Variants in ADAMTS10 observed in about 807,000 individuals in gnomAD.
ADAMTS10 encodes A disintegrin and metalloproteinase with thrombospondin motifs 10.
Under a neutral mutation model 135.9 loss-of-function variants are expected in ADAMTS10, and 48 were observed. That is an observed-to-expected ratio of 0.35 (90% CI 0.28 to 0.45). The LOEUF (loss-of-function observed/expected upper bound fraction) is 0.45. ADAMTS10 is among the 20% of genes least tolerant of loss of function. The pLI, the probability that ADAMTS10 is intolerant of heterozygous loss-of-function variation, is 1.00. For synonymous variants in ADAMTS10, 621 were observed against 647.5 expected, an observed-to-expected ratio of 0.96 and a Z score of 0.62; for missense variants, 1,131 against 1,565.2, an observed-to-expected ratio of 0.72 and a Z score of 4.68.
rs1377671403 is a variant in ADAMTS10, at chr19:8,591,441, TG to T, written c.1797+358del. Among the ~76,000 whole-genome samples the T allele has an allele frequency of 4.0e-4, 54 of 136,520 alleles. 2 individuals are homozygous for T. Among genetic ancestry groups the T allele is most frequent in the African/African-American group, 1.2e-3 (43 of 36,222 alleles). The allele number at this position is 136,520 out of a possible 152,430, so 89.6% of individuals were successfully genotyped here. A position where few individuals can be genotyped will look rare whatever the true frequency, so the allele number is the denominator to read the frequency against. ...GGATGAAGCACTCTGATAGCGTTTTTGTTTTTTTTTTTTTTTTTGAGATGGA... is the reference window on the plus strand; with the variant it reads ...GGATGAAGCACTCTGATAGCGTTTTTTTTTTTTTTTTTTTTTTGAGATGGA... On this transcript the variant is annotated intron_variant, in intron 15 of 25. Transcript: ENST00000597188.
In ADAMTS10 at chr19:8,586,698, G is replaced by C. The variant is rs2042436905; in HGVS notation, c.2263C>G (p.Leu755Val). Reference protein sequence around the residue: ...HLALKGDQESLLLEGLPGTPQ... With the variant: ...HLALKGDQESVLLEGLPGTPQ... Reference sequence around the variant, plus strand: ...GTCCCAGGCAGCCCCTCCAGCAGCAGGGACTCCTGGTCTCCCTTCAGGGCT... The same window carrying C: ...GTCCCAGGCAGCCCCTCCAGCAGCACGGACTCCTGGTCTCCCTTCAGGGCT... The change falls in exon 20 of 26, where the codon CTG (leucine) becomes GTG (valine). Residue 755 changes from leucine to valine, a missense_variant. Coordinates refer to ENST00000597188, the MANE Select transcript of ADAMTS10 (RefSeq NM_030957.4). 6.2e-7 allele frequency: 1 copy of C among 1,613,272 alleles called. No homozygotes were observed. Among genetic ancestry groups the C allele is most frequent in the Non-Finnish European group, 8.5e-7 (1 of 1,179,350 alleles).
chr19:8,591,697 C>T (rs949389687), intron 15 of ADAMTS10, 103 bp downstream of exon 15: 46 of 1,419,248 alleles, frequency 3.2e-5, no homozygotes, highest in Non-Finnish European at 5.9e-6. Flanking sequence ...GCCTTGGCCT[C>T]CCAAAGTGTT....
intron 25 of ADAMTS10, among the ~76,000 whole-genome samples, chr19:8,584,265 G>C (rs1467048480): frequency 6.6e-6 from 1 of 151,010 alleles, no homozygotes; most frequent in Non-Finnish European, 1.5e-5. Flanking sequence ...GATCGATTTT[G>C]ACCCCCAGGG....
chr19:8,604,974 T>G, intron 4 of ADAMTS10, 38 bp downstream of exon 4: 1 of 1,550,630 alleles, frequency 6.4e-7, no homozygotes, highest in Non-Finnish European at 8.7e-7. Flanking sequence ...TCCAAACTTA[T>G]GGGCATTTCC....
chr19:8,592,717 T>C (rs375706509), intron 13 of ADAMTS10, 46 bp downstream of exon 13: 12 of 1,546,514 alleles, frequency 7.8e-6, no homozygotes, highest in African/African-American at 1.4e-5. Context: ...ACGCGGGAGG[T>C]GGCTCAGGGG....
rs1307144397 is a variant in ADAMTS10 at position 8,580,775 on chromosome 19, C to T, written c.*118G>A. On this transcript the variant is annotated 3_prime_UTR_variant, in exon 26 of 26. Coordinates refer to ENST00000597188, the MANE Select transcript of ADAMTS10 (RefSeq NM_030957.4). ...GCAGGGGTTCCCAATAAATAACTTC[C>T]GGCTCCGTCTCACCCTTCCCTCCCA... The T allele has an allele frequency of 5.1e-6, 4 of 781,128 alleles. No individual in the cohort carries two copies. The highest frequency in any genetic ancestry group is 5.4e-5 in the East Asian group (2 of 37,074). 48.4% of individuals were successfully genotyped at this position (781,128 alleles called of 1,614,324 possible).
chr19:8,581,129 A>AATT, intron 25 of ADAMTS10, 127 bp from the exon 26 acceptor site: 7 of 126,888 alleles, frequency 5.5e-5, no homozygotes, highest in East Asian at 1.2e-4. Flanking sequence ...TTTTAAATTT[A>AATT]CTTTTTTTTT....
intron 20 of ADAMTS10, 23 bp downstream of exon 20, chr19:8,586,535 C>T (rs782778271): frequency 2.2e-5 from 35 of 1,613,114 alleles, no homozygotes; most frequent in Middle Eastern, 1.6e-4. Context: ...AAGGCTGCAC[C>T]TTGCCCCCAG....
At position 8,586,836 on chromosome 19, in the gene ADAMTS10, T is replaced by A; in HGVS notation, c.2219A>T (p.Asn740Ile). Residue 740 changes from asparagine (N) to isoleucine (I), a missense_variant, in exon 19 of 26, where the codon AAC becomes ATC. Transcript: ENST00000597188. Reference protein sequence around the residue: ...GSVHIFIQDLNLSLSHLALKG... With the variant: ...GSVHIFIQDLILSLSHLALKG... ...CTCACCCAAGTGACTGAGAGAGAGG[T>A]TCAGATCCTGGATGAAGATGTGGAC... The A allele has an allele frequency of 6.2e-7, 1 of 1,613,858 alleles. No individual in the cohort carries two copies. Among genetic ancestry groups the A allele is most frequent in the Non-Finnish European group, 8.5e-7 (1 of 1,179,958 alleles).
At chr19:8,600,658 TC>T (rs1568404408) in intron 6 of ADAMTS10, among the ~76,000 whole-genome samples, 5 of 151,476 alleles carry the variant, frequency 3.3e-5, no homozygotes, top group East Asian at 1.9e-4. Context: ...GCCACCACAC[TC>T]GGCTAATTTT....
chr19:8,586,478 A>C lies in ADAMTS10; in HGVS notation c.2404-8T>G. On this transcript the variant is annotated splice_polypyrimidine_tract_variant and splice_region_variant and intron_variant, in intron 20 of 25. Transcript: ENST00000597188. ...CTCGGTCCGGGCCAGCACCTGGAGA[A>C]AGGGGGCGGCAGCCAGTGGAAGGAT... 6.2e-7 allele frequency: 1 copy of C among 1,613,520 alleles called. No homozygotes were observed. The highest frequency in any genetic ancestry group is 8.5e-7 in the Non-Finnish European group (1 of 1,180,004).
Position 8,592,816 on chromosome 19 carries a change from T to A in ADAMTS10, c.1534A>T (p.Ser512Cys). 6.2e-7 allele frequency: 1 copy of A among 1,613,176 alleles called. No homozygotes were observed. Among genetic ancestry groups the A allele is most frequent in the Non-Finnish European group, 8.5e-7 (1 of 1,179,878 alleles). ...LSKSNRCITN[S>C]IPAAEGTLCQ... Reference sequence around the variant, plus strand: ...AGCGTGCCCTCGGCGGCCGGGATGCTGTTGGTGATGCACCGGTTGCTCTTG... The same window carrying A: ...AGCGTGCCCTCGGCGGCCGGGATGCAGTTGGTGATGCACCGGTTGCTCTTG... The change falls in exon 13 of 26, where the codon AGC (serine) becomes TGC (cysteine). Residue 512 changes from serine to cysteine, a missense_variant. This residue lies in a region of ADAMTS10 where 745 missense variants were observed against 1,056.3 expected (regional missense o/e 0.71). Coordinates refer to ENST00000597188, the MANE Select transcript of ADAMTS10 (RefSeq NM_030957.4).
chr19:8,595,606 C>G, intron 12 of ADAMTS10, 156 bp downstream of exon 12: 1 of 1,196,064 alleles, frequency 8.4e-7, no homozygotes, highest in African/African-American at 1.5e-5. Context: ...CTCCATGCAC[C>G]TCTGTCCTCC....
intron 15 of ADAMTS10, among the ~76,000 whole-genome samples, chr19:8,590,750 T>G (rs7260530): frequency 0.58 from 88,050 of 151,852 alleles, 26,754 homozygotes; most frequent in East Asian, 0.79. Flanking sequence ...ATGAGCCACC[T>G]CATCCGGCCT....
intron 18 of ADAMTS10, among the ~76,000 whole-genome samples, chr19:8,588,159 A>C (rs2146049395): frequency 6.6e-6 from 1 of 152,036 alleles, no homozygotes; most frequent in East Asian, 1.9e-4. Flanking sequence ...GAGGCAGGAG[A>C]ATTTCTTGAA....
In ADAMTS10 at chr19:8,600,500, CTTT is replaced by C. The variant is rs797035354; in HGVS notation, c.810+425_810+427del. 4.7e-4 allele frequency among the ~76,000 whole-genome samples: 61 copies of C among 129,820 alleles called. 1 individual carries two copies. Among genetic ancestry groups the C allele is most frequent in the East Asian group, 3.0e-3 (10 of 3,372 alleles). The allele number at this position is 129,820 out of a possible 152,430, so 85.2% of individuals were successfully genotyped here. A position where few individuals can be genotyped will look rare whatever the true frequency, so the allele number is the denominator to read the frequency against. Reference sequence around the variant, plus strand: ...TTCTGTCTTTTCTTTTCTTTCTTTTCTTTTTTTTTTTTTTTTTTGACAGAGTCT... The same window carrying C: ...TTCTGTCTTTTCTTTTCTTTCTTTTCTTTTTTTTTTTTTTTGACAGAGTCT... On this transcript the variant is annotated intron_variant, in intron 6 of 25. Transcript: ENST00000597188.
rs1429307524 is a variant in ADAMTS10 at position 8,580,502 on chromosome 19, TG to T, written c.*390del. The T allele has an allele frequency of 1.0e-5, 2 of 197,572 alleles. No individual in the cohort carries two copies. Among genetic ancestry groups the T allele is most frequent in the Non-Finnish European group, 2.1e-5 (2 of 94,118 alleles). 12.2% of individuals were successfully genotyped at this position (197,572 alleles called of 1,614,324 possible). ...TCGGAGTGGAGGGGTAGGGCAGTGCTGGGGGGCAGGGCACCGGCAGACCACC... is the reference window on the plus strand; with the variant it reads ...TCGGAGTGGAGGGGTAGGGCAGTGCTGGGGGCAGGGCACCGGCAGACCACC... On this transcript the variant is annotated 3_prime_UTR_variant, in exon 26 of 26. Transcript: ENST00000597188.
chr19:8,608,073 T>G (rs140461843), intron 2 of ADAMTS10, 61 bp downstream of exon 2: 1 of 152,464 alleles, frequency 6.6e-6, no homozygotes, highest in Non-Finnish European at 1.5e-5. Context: ...CCTCCCAAAG[T>G]GCTGGGATTA....
At chr19:8,608,463 CCTT>C (rs1229747558) in intron 1 of ADAMTS10, among the ~76,000 whole-genome samples, 1 of 152,164 alleles carries the variant, frequency 6.6e-6, no homozygotes, top group Admixed American at 6.5e-5. Context: ...CTTCCCTATT[CCTT>C]CTTTGGAAGT....
Sources: gnomAD v4.1 joint callset for allele counts (sites outside exome capture counted in the v4.1 genomes callset) on GRCh38, gnomAD v4.1.1 for gene constraint, gnomAD v4.1.1 regional missense constraint, MANE v1.5 for transcripts, NCBI Gene and HGNC (gene_info 2026-07-23, HGNC 2026-07-21) for gene names.